ATP8A2: variants seen among roughly 807,000 people sequenced by gnomAD.
ATP8A2 encodes the protein ATPase phospholipid transporting 8A2.
Under a neutral mutation model 165.6 loss-of-function variants are expected in ATP8A2, and 100 were observed. That is an observed-to-expected ratio of 0.60 (90% CI 0.51 to 0.71). The LOEUF (loss-of-function observed/expected upper bound fraction) is 0.71, where lower values mean the gene tolerates loss of function less well. ATP8A2 is among the 30% of genes least tolerant of loss of function. The pLI is 0.00. For missense variants in ATP8A2, 1,227 were observed against 1,479.5 expected, an observed-to-expected ratio of 0.83 and a Z score of 2.80; for synonymous variants, 543 against 548.8, an observed-to-expected ratio of 0.99 and a Z score of 0.15.
chr13:25,731,070 G>A (rs2043612694), intron 25 of ATP8A2, among the ~76,000 whole-genome samples: 1 of 148,124 alleles, frequency 6.8e-6, no homozygotes, highest in Non-Finnish European at 1.5e-5. Flanking sequence ...AGAAGGAGAG[G>A]GGAGGAAAAG....
chr13:25,863,830 T>G (rs1952426639), intron 33 of ATP8A2, among the ~76,000 whole-genome samples: 1 of 152,184 alleles, frequency 6.6e-6, no homozygotes, highest in African/African-American at 2.4e-5. Context: ...TGTCCTCTAG[T>G]GCATCTTTGC....
chr13:25,475,695 T>C (rs1181515115), intron 2 of ATP8A2, among the ~76,000 whole-genome samples: 5 of 152,240 alleles, frequency 3.3e-5, no homozygotes, highest in Admixed American at 3.3e-4. Flanking sequence ...ATTTTGGCTT[T>C]TTAAATAGCC....
At chr13:25,599,554 CTG>C (rs2138361618) in intron 24 of ATP8A2, among the ~76,000 whole-genome samples, 1 of 152,360 alleles carries the variant, frequency 6.6e-6, no homozygotes, top group South Asian at 2.1e-4. Flanking sequence ...CACTCTGCCT[CTG>C]TCTTTGATAA....
intron 33 of ATP8A2, among the ~76,000 whole-genome samples, chr13:25,961,309 G>A (rs1955653510): frequency 6.6e-6 from 1 of 152,192 alleles, no homozygotes; most frequent in Non-Finnish European, 1.5e-5. Context: ...ACAACATCCT[G>A]TTCGGAAGGG....
intron 1 of ATP8A2, among the ~76,000 whole-genome samples, chr13:25,422,591 CAATG>C (rs2034332225): frequency 6.6e-6 from 1 of 152,146 alleles, no homozygotes; most frequent in Non-Finnish European, 1.5e-5. Flanking sequence ...TTTAATAAAA[CAATG>C]AACTTGACCT....
chr13:25,542,046 G>T lies in ATP8A2; in HGVS notation c.779G>T (p.Ser260Ile). 6.2e-7 allele frequency: 1 copy of T among 1,613,742 alleles called. No homozygotes were observed. Among genetic ancestry groups the T allele is most frequent in the East Asian group, 2.2e-5 (1 of 44,868 alleles). Residue 260 changes from serine to isoleucine, a missense_variant and splice_region_variant, in exon 9 of 37, where the codon AGC becomes ATC. By Grantham distance (142) the Ser-to-Ile change is moderately radical. Transcript: ENST00000381655. ...GGAAACTTGAACTTAGATGGGAAAA[G>T]GTATTATATGCCTTTTCTTCATTGT... ...FTGNLNLDGK[S>I]LVALGPDQIL...
chr13:25,855,817 A>G (rs1254867188), intron 30 of ATP8A2, among the ~76,000 whole-genome samples: 1 of 152,018 alleles, frequency 6.6e-6, no homozygotes, highest in African/African-American at 2.4e-5. Flanking sequence ...ACATCTTGTT[A>G]TTGTCTGTTT....
Position 25,808,364 on chromosome 13 carries a change from C to T in ATP8A2, c.2680-19754C>T, listed in dbSNP as rs144594019. Among the ~76,000 whole-genome samples, 123 of 151,858 alleles carry T rather than the reference C, an allele frequency of 8.1e-4. 1 individual carries two copies. The highest frequency in any genetic ancestry group is 3.1e-3 in the South Asian group (15 of 4,788). On this transcript the variant is annotated intron_variant, in intron 27 of 36. Coordinates refer to ENST00000381655, the MANE Select transcript of ATP8A2 (RefSeq NM_016529.6). ...TTGTAATCCCAGCACTTTGGGAGGC[C>T]GAGGAAGGCAGATCACTTGAGGTCA... is the stretch of plus-strand genomic sequence containing the variant.
chr13:25,964,858 C>G (rs1025530474), intron 34 of ATP8A2, among the ~76,000 whole-genome samples: 6 of 152,164 alleles, frequency 3.9e-5, no homozygotes, highest in African/African-American at 1.2e-4. Flanking sequence ...GGTTATCACT[C>G]TCTTTTGAAA....
chr13:25,952,089 CT>C (rs1955383294), intron 33 of ATP8A2, among the ~76,000 whole-genome samples: 2 of 152,242 alleles, frequency 1.3e-5, no homozygotes, highest in South Asian at 4.1e-4. Flanking sequence ...TGTGGGATCG[CT>C]TCATTGTTTA....
intron 1 of ATP8A2, among the ~76,000 whole-genome samples, chr13:25,393,777 A>G (rs1038683592): frequency 2.0e-5 from 3 of 152,218 alleles, no homozygotes; most frequent in African/African-American, 7.2e-5. Flanking sequence ...TCTGAGGTTC[A>G]TTTTATGTTG....
chr13:25,618,654 G>T (rs2040887659), intron 24 of ATP8A2, among the ~76,000 whole-genome samples: 1 of 147,158 alleles, frequency 6.8e-6, no homozygotes, highest in Admixed American at 6.8e-5. Flanking sequence ...ACCCAATTAT[G>T]TCCCTCCATT....
intron 24 of ATP8A2, among the ~76,000 whole-genome samples, chr13:25,652,709 T>C (rs980406747): frequency 6.6e-6 from 1 of 152,242 alleles, no homozygotes. Context: ...CTTGATTTTC[T>C]AACTGGCTCT....
At chr13:25,540,866 CT>C (rs553196713) in intron 8 of ATP8A2, among the ~76,000 whole-genome samples, 317 of 143,054 alleles carry the variant, frequency 2.2e-3, no homozygotes, top group African/African-American at 2.6e-3. Context: ...TTTTTTGGTT[CT>C]TTTTTTTTTT....
At chr13:25,507,823 A>G (rs1332413724) in intron 2 of ATP8A2, among the ~76,000 whole-genome samples, 1 of 152,200 alleles carries the variant, frequency 6.6e-6, no homozygotes, top group African/African-American at 2.4e-5. Flanking sequence ...GTGCCATTAA[A>G]AACTTGATAT....
chr13:25,472,209 C>A (rs1187694248), intron 2 of ATP8A2, among the ~76,000 whole-genome samples: 1 of 152,130 alleles, frequency 6.6e-6, no homozygotes, highest in Non-Finnish European at 1.5e-5. Flanking sequence ...GCCTGGCCAA[C>A]ATGGCAAAAC....
chr13:25,625,782 G>C (rs942804993), intron 24 of ATP8A2, among the ~76,000 whole-genome samples: 16 of 152,120 alleles, frequency 1.1e-4, no homozygotes, highest in African/African-American at 3.6e-4. Flanking sequence ...GAACCAAAAG[G>C]CATAATTGGT....
chr13:25,779,647 G>T (rs575499904), intron 27 of ATP8A2, among the ~76,000 whole-genome samples: 1 of 152,202 alleles, frequency 6.6e-6, no homozygotes, highest in African/African-American at 2.4e-5. Flanking sequence ...CTATCAATAT[G>T]TAGGGCAGAT....
At chr13:25,875,446 G>A (rs1952797720) in intron 33 of ATP8A2, among the ~76,000 whole-genome samples, 1 of 151,598 alleles carries the variant, frequency 6.6e-6, no homozygotes, top group African/African-American at 2.4e-5. Context: ...CAATTGGGTG[G>A]GTCTGTAGTT....
Sources: allele counts gnomAD v4.1 joint callset (sites outside exome capture counted in the v4.1 genomes callset), GRCh38; gene constraint gnomAD v4.1.1; transcripts MANE v1.5; gene names NCBI Gene and HGNC (gene_info 2026-07-23, HGNC 2026-07-21).